The following VAT1L variants were observed in gnomAD, a reference collection of about 807,000 sequenced individuals.
VAT1L encodes the protein putative NADPH-dependent quinone oxidoreductase VAT1L.
VAT1L carries 34 observed loss-of-function variants against 44.1 expected under a neutral mutation model. That is an observed-to-expected ratio of 0.77 (90% CI 0.59 to 1.03). The LOEUF is 1.03. Ranked by LOEUF, VAT1L falls within the 50% of genes least tolerant of loss-of-function variation. The pLI, the probability that VAT1L is intolerant of heterozygous loss-of-function variation, is 0.00. For synonymous variants in VAT1L, 253 were observed against 202.2 expected (o/e 1.25, Z -2.13); for missense variants, 615 against 538.8 (o/e 1.14, Z -1.40).
chr16:77,953,531 T>C (rs1597118890), intron 7 of VAT1L, among the ~76,000 whole-genome samples: 1 of 147,524 alleles, frequency 6.8e-6, no homozygotes, highest in South Asian at 2.2e-4. Flanking sequence ...TTTACATTTC[T>C]TTTTGTTTGG....
intron 7 of VAT1L, among the ~76,000 whole-genome samples, chr16:77,946,562 G>T (rs11647360): frequency 0.16 from 23,778 of 152,062 alleles, 2,150 homozygotes; most frequent in East Asian, 0.39. Flanking sequence ...GATTACAGGC[G>T]TGAGCCACAG....
chr16:77,930,846 T>A (rs1597104607), intron 7 of VAT1L, among the ~76,000 whole-genome samples: 1 of 152,332 alleles, frequency 6.6e-6, no homozygotes, highest in African/African-American at 2.4e-5. Flanking sequence ...AAAAGCAGGC[T>A]GTTCTCTTGA....
At chr16:77,862,934 C>T in intron 4 of VAT1L, 44 bp downstream of exon 4, 1 of 1,602,416 alleles carries the variant, frequency 6.2e-7, no homozygotes, top group Non-Finnish European at 8.5e-7. Context: ...GGCCCTTGCT[C>T]TGCTCTCAAA....
chr16:77,810,740 G>A (rs2016250466), intron 1 of VAT1L, among the ~76,000 whole-genome samples: 1 of 152,112 alleles, frequency 6.6e-6, no homozygotes, highest in African/African-American at 2.4e-5. Context: ...AGCAGCCAAT[G>A]CAAAGAAATA....
chr16:77,934,913 G>T (rs1298614058), intron 7 of VAT1L, among the ~76,000 whole-genome samples: 1 of 152,130 alleles, frequency 6.6e-6, no homozygotes, highest in African/African-American at 2.4e-5. Context: ...TGCAGGATGG[G>T]GAACAATTTC....
chr16:77,834,628 A>AT (rs979385083), intron 3 of VAT1L, among the ~76,000 whole-genome samples: 31 of 151,920 alleles, frequency 2.0e-4, no homozygotes, highest in African/African-American at 7.5e-4. Context: ...CTCTTCTCCT[A>AT]TCCCCCGTCT....
At chr16:77,892,466 G>A (rs1427486511) in intron 7 of VAT1L, 2 of 513,842 alleles carry the variant, frequency 3.9e-6, no homozygotes, top group South Asian at 1.5e-5. Context: ...GCGGTTGATG[G>A]TGGGCCCTTG....
chr16:77,829,682 G>C (rs1198993368), intron 3 of VAT1L, among the ~76,000 whole-genome samples: 1 of 152,174 alleles, frequency 6.6e-6, no homozygotes, highest in Non-Finnish European at 1.5e-5. Flanking sequence ...GTAACAGAAT[G>C]AGACTCATGT....
chr16:77,918,796 G>A (rs1209616823), intron 7 of VAT1L, among the ~76,000 whole-genome samples: 2 of 152,084 alleles, frequency 1.3e-5, no homozygotes, highest in Non-Finnish European at 2.9e-5. Flanking sequence ...CTCCCTGGAG[G>A]AAGGAGCCTT....
intron 7 of VAT1L, among the ~76,000 whole-genome samples, chr16:77,952,294 C>A (rs774316895): frequency 2.0e-5 from 3 of 152,114 alleles, no homozygotes; most frequent in Non-Finnish European, 4.4e-5. Context: ...GGATCTGTGT[C>A]CCAACCCAAA....
chr16:77,842,468 T>C (rs2016716977), intron 3 of VAT1L, among the ~76,000 whole-genome samples: 1 of 152,162 alleles, frequency 6.6e-6, no homozygotes, highest in African/African-American at 2.4e-5. Flanking sequence ...CCAACGAAAG[T>C]AATTCACAGG....
At chr16:77,912,307 G>T (rs1381718469) in intron 7 of VAT1L, among the ~76,000 whole-genome samples, 1 of 152,166 alleles carries the variant, frequency 6.6e-6, no homozygotes, top group African/African-American at 2.4e-5. Context: ...TAAAGCGCCT[G>T]GGATTGAGTC....
intron 3 of VAT1L, among the ~76,000 whole-genome samples, chr16:77,844,477 C>T (rs1421569349): frequency 1.3e-5 from 2 of 152,062 alleles, no homozygotes; most frequent in Non-Finnish European, 2.9e-5. Flanking sequence ...GGCGCTATCT[C>T]AGCTCCCTGC....
Position 77,859,049 on chromosome 16 carries a change from C to T in VAT1L, c.580-3699C>T, listed in dbSNP as rs556266087. Among the ~76,000 whole-genome samples, 10 of 151,772 alleles carry T rather than the reference C, an allele frequency of 6.6e-5. No homozygotes were observed. In the East Asian group the frequency reaches 1.7e-3, roughly 27 times the overall value. On this transcript the variant is annotated intron_variant, in intron 3 of 8. Transcript: ENST00000302536. ...ACCCTGGAGGCTGAGGCAGGAGAAT[C>T]GCTTGAACACAGGAGGCAGAGGTTG...
At chr16:77,906,695 C>A (rs1232075055) in intron 7 of VAT1L, among the ~76,000 whole-genome samples, 1 of 152,282 alleles carries the variant, frequency 6.6e-6, no homozygotes, top group East Asian at 1.9e-4. Flanking sequence ...AACGGTCACT[C>A]CCCATTAGTC....
In VAT1L at chr16:77,971,785, GC is replaced by G. The variant is rs1367738695; in HGVS notation, c.1078-60del. On this transcript the variant is annotated intron_variant, in intron 7 of 8. Transcript: ENST00000302536. Reference sequence around the variant, plus strand: ...TCACTTGACAGTTTGAGTTCTCCAGGCCCCCTTTTTAACTGGGGAACATCTC... The same window carrying G: ...TCACTTGACAGTTTGAGTTCTCCAGGCCCCTTTTTAACTGGGGAACATCTC... 16 of 1,531,004 alleles carry G rather than the reference GC, an allele frequency of 1.0e-5. No individual in the cohort carries two copies. The Admixed American group carries it at 3.0e-4, about 29-fold the overall frequency. The allele number at this position is 1,531,004 out of a possible 1,614,324, so 94.8% of individuals were successfully genotyped here.
chr16:77,917,378 C>G lies in VAT1L; in HGVS notation c.1077+32576C>G, dbSNP rs183944162. Among the ~76,000 whole-genome samples, 7 of 152,278 alleles carry G rather than the reference C, an allele frequency of 4.6e-5. No homozygotes were observed. The South Asian group carries it at 1.2e-3, about 27-fold the overall frequency. On this transcript the variant is annotated intron_variant, in intron 7 of 8. Transcript: ENST00000302536. The stretch of plus-strand genomic sequence containing the variant: ...CCGGAAATTACCTTTTATTAAAGTA[C>G]TGCCCTTAACCACATTACCTTTAAT...
At chr16:77,880,654 G>T (rs960306486) in intron 6 of VAT1L, among the ~76,000 whole-genome samples, 2 of 128,068 alleles carry the variant, frequency 1.6e-5, no homozygotes, top group Non-Finnish European at 3.1e-5. Flanking sequence ...ACCTGTGCAG[G>T]TTTTTTGCCC....
chr16:77,923,321 G>A (rs966512876), intron 7 of VAT1L, among the ~76,000 whole-genome samples: 3 of 152,056 alleles, frequency 2.0e-5, no homozygotes, highest in African/African-American at 4.8e-5. Flanking sequence ...ATGGTGCCGC[G>A]CACCTGTAGT....
Sources: gnomAD v4.1 joint callset for allele counts (sites outside exome capture counted in the v4.1 genomes callset) on GRCh38, gnomAD v4.1.1 for gene constraint, MANE v1.5 for transcripts, NCBI Gene and HGNC (gene_info 2026-07-23, HGNC 2026-07-21) for gene names.